COMMD6: variants seen among roughly 807,000 people sequenced by gnomAD.
COMMD6 encodes the protein COMM domain-containing protein 6.
COMMD6 carries 11 observed loss-of-function variants against 13.4 expected under a neutral mutation model. That is an observed-to-expected ratio of 0.82 (90% CI 0.52 to 1.36). The LOEUF is 1.36. COMMD6 is among the 40% of genes most tolerant of loss of function. The pLI is 0.00. For missense variants in COMMD6, 124 were observed against 102.4 expected (o/e 1.21, Z -0.91); for synonymous variants, 43 against 36.5 (o/e 1.18, Z -0.64).
upstream of COMMD6, among the ~76,000 whole-genome samples, chr13:75,539,894 A>G (rs905793339): frequency 6.6e-6 from 1 of 152,112 alleles, no homozygotes; most frequent in African/African-American, 2.4e-5. Context: ...TTCTTCTCTA[A>G]GGAAGTCAGA....
At chr13:75,530,630 C>T (rs2030441245) in intron 2 of COMMD6, 1 of 168,460 alleles carries the variant, frequency 5.9e-6, no homozygotes, top group South Asian at 1.6e-4. Context: ...TCAAGACTTA[C>T]ATTAGCATGT....
chr13:75,526,111 C>T lies in COMMD6; in HGVS notation c.*478G>A, dbSNP rs1386027030. The T allele has an allele frequency of 6.6e-6, 1 of 152,220 alleles. No homozygotes were observed. The highest frequency in any genetic ancestry group is 1.5e-5 in the Non-Finnish European group (1 of 68,084). 9.4% of individuals were successfully genotyped at this position (152,220 alleles called of 1,614,324 possible). A position where few individuals can be genotyped will look rare whatever the true frequency, so the allele number is the denominator to read the frequency against. On this transcript the variant is annotated 3_prime_UTR_variant, in exon 4 of 4. Transcript: ENST00000682242. The stretch of plus-strand genomic sequence containing the variant: ...ATTACAAAAGTTTGAAAAAAGAAGC[C>T]TCACTCTTCTGATTGCCATTATAAT...
chr13:75,533,691 GATC>G (rs2030570587), intron 2 of COMMD6, among the ~76,000 whole-genome samples: 1 of 152,084 alleles, frequency 6.6e-6, no homozygotes, highest in African/African-American at 2.4e-5. Context: ...GGACTAAACT[GATC>G]ATATGAAGGA....
chr13:75,535,777 G>T (rs1296071009), intron 2 of COMMD6, among the ~76,000 whole-genome samples: 2 of 152,186 alleles, frequency 1.3e-5, no homozygotes, highest in Non-Finnish European at 2.9e-5. Context: ...GACAGGTGGT[G>T]ACTTCCAAGC....
chr13:75,526,245 T>C lies in COMMD6; in HGVS notation c.*344A>G, dbSNP rs1439109467. 2 of 179,596 alleles carry C rather than the reference T, an allele frequency of 1.1e-5. No individual in the cohort carries two copies. Among genetic ancestry groups the C allele is most frequent in the Non-Finnish European group, 2.3e-5 (2 of 86,776 alleles). The allele number at this position is 179,596 out of a possible 1,614,324, so 11.1% of individuals were successfully genotyped here. On this transcript the variant is annotated 3_prime_UTR_variant, in exon 4 of 4. Transcript: ENST00000682242. Reference sequence around the variant, plus strand: ...ACTCCAAATAAGACTGTTTATAAAATGGGTTCCATCCAGTACAAGTTTTTA... The same window carrying C: ...ACTCCAAATAAGACTGTTTATAAAACGGGTTCCATCCAGTACAAGTTTTTA...
At chr13:75,538,135 T>C (rs1269272902), upstream of COMMD6, among the ~76,000 whole-genome samples, 1 of 152,240 alleles carries the variant, frequency 6.6e-6, no homozygotes, top group African/African-American at 2.4e-5. Flanking sequence ...GGGCACAGCA[T>C]CCCGCTGCGC....
upstream of COMMD6, among the ~76,000 whole-genome samples, chr13:75,540,344 C>A (rs9530446): frequency 0.049 from 7,176 of 147,242 alleles, 221 homozygotes; most frequent in Middle Eastern, 0.076. Flanking sequence ...ACACACACAC[C>A]CACACACACA....
rs117264184 is a variant in COMMD6, at chr13:75,534,888, C to T, written c.54+2776G>A. Among the ~76,000 whole-genome samples, 210 of 152,140 alleles carry T rather than the reference C, an allele frequency of 1.4e-3. 2 individuals are homozygous for T. The East Asian group carries it at 0.039, about 28-fold the overall frequency. On this transcript the variant is annotated intron_variant, in intron 2 of 3. Transcript: ENST00000682242. ...TGTGTTTTGAGTAAGAGAGGGAGGC[C>T]TCACTATTCAGTATATACTAAGCAA...
chr13:75,539,526 C>T (rs1044361219), upstream of COMMD6, among the ~76,000 whole-genome samples: 11 of 152,170 alleles, frequency 7.2e-5, no homozygotes, highest in South Asian at 2.1e-4. Flanking sequence ...GGATTACAGA[C>T]GTGAGCCACT....
chr13:75,528,543 C>A (rs574464867), intron 3 of COMMD6, among the ~76,000 whole-genome samples: 1 of 152,230 alleles, frequency 6.6e-6, no homozygotes, highest in African/African-American at 2.4e-5. Flanking sequence ...CATGGTGGCT[C>A]ACGCCTGTAA....
At chr13:75,538,057 T>G (rs1348381940), upstream of COMMD6, 1 of 427,090 alleles carries the variant, frequency 2.3e-6, no homozygotes, top group African/African-American at 2.0e-5. Context: ...GAAGCGCTAA[T>G]TAAATTTAGG....
chr13:75,530,683 G>A (rs151190314), intron 2 of COMMD6, among the ~76,000 whole-genome samples: 100 of 152,294 alleles, frequency 6.6e-4, no homozygotes, highest in Non-Finnish European at 1.2e-3. Context: ...GTTCATGACA[G>A]ATACATACCC....
At chr13:75,537,636 G>A (rs779137424) in intron 2 of COMMD6, 28 bp downstream of exon 2, 7 of 1,613,752 alleles carry the variant, frequency 4.3e-6, no homozygotes, top group African/African-American at 1.3e-5. Flanking sequence ...GGCTGGCGGA[G>A]GACAGGGCGG....
intron 2 of COMMD6, among the ~76,000 whole-genome samples, chr13:75,535,667 C>A (rs933037946): frequency 1.3e-5 from 2 of 152,118 alleles, no homozygotes; most frequent in African/African-American, 4.8e-5. Flanking sequence ...TCTGTCTCAC[C>A]AATTTGGGGG....
chr13:75,549,419 G>A (rs530644948), exon 1 of COMMD6: 19 of 218,736 alleles, frequency 8.7e-5, no homozygotes, highest in African/African-American at 4.3e-4. Flanking sequence ...TCCTAGCGCA[G>A]TCGGTTGACA....
chr13:75,539,773 G>A (rs181466810), upstream of COMMD6, among the ~76,000 whole-genome samples: 10 of 151,850 alleles, frequency 6.6e-5, no homozygotes, highest in Non-Finnish European at 1.3e-4. Context: ...CGGAAACTAG[G>A]CCAAAAAACC....
upstream of COMMD6, among the ~76,000 whole-genome samples, chr13:75,539,537 G>A (rs2030790090): frequency 6.6e-6 from 1 of 152,066 alleles, no homozygotes; most frequent in Non-Finnish European, 1.5e-5. Context: ...GTGAGCCACT[G>A]TGCCTGGCCT....
At chr13:75,529,356 T>TA (rs2030382600) in intron 3 of COMMD6, among the ~76,000 whole-genome samples, 1 of 151,842 alleles carries the variant, frequency 6.6e-6, no homozygotes, top group Non-Finnish European at 1.5e-5. Context: ...CCATCTCTAC[T>TA]AAAAATACAA....
upstream of COMMD6, among the ~76,000 whole-genome samples, chr13:75,542,027 T>G (rs1300922036): frequency 2.6e-5 from 4 of 152,208 alleles, no homozygotes; most frequent in East Asian, 7.7e-4. Context: ...AAAATGAGGA[T>G]GATTACATAA....
Sources: gnomAD v4.1 joint callset for allele counts (sites outside exome capture counted in the v4.1 genomes callset) on GRCh38, gnomAD v4.1.1 for gene constraint, MANE v1.5 for transcripts, NCBI Gene and HGNC (gene_info 2026-07-23, HGNC 2026-07-21) for gene names.